EIF2B3: variants seen among roughly 807,000 people sequenced by gnomAD.
EIF2B3 encodes eukaryotic translation initiation factor 2B subunit gamma.
A neutral mutation model predicts 54.1 loss-of-function variants in EIF2B3; 20 were observed. The ratio of observed to expected loss-of-function variants is 0.37; its 90% CI spans 0.26 to 0.54. The LOEUF (loss-of-function observed/expected upper bound fraction) is 0.54, where lower values mean the gene tolerates loss of function less well. EIF2B3 is among the 20% of genes least tolerant of loss of function. The probability of loss-of-function intolerance (pLI) is 0.86; values close to 1 mark genes in which losing one functional copy is unlikely to be tolerated. For missense variants in EIF2B3, 448 were observed against 547.8 expected (o/e 0.82, Z 1.82); for synonymous variants, 153 against 188.1 (o/e 0.81, Z 1.52).
chr1:44,981,180 G>T lies in EIF2B3; in HGVS notation c.-9-3C>A. 2 of 1,611,918 alleles carry T rather than the reference G, an allele frequency of 1.2e-6. No homozygotes were observed. The highest frequency in any genetic ancestry group is 1.7e-6 in the Non-Finnish European group (2 of 1,179,706). The stretch of plus-strand genomic sequence containing the variant: ...GCTTGAAATTCCATTTTTACAAACT[G>T]CAAGTACAGAAAAAACAATTAACAG... On this transcript the variant is annotated splice_region_variant and splice_polypyrimidine_tract_variant and intron_variant, in intron 1 of 11. Transcript: ENST00000360403.
At chr1:44,861,726 G>A (rs1329449854) in intron 10 of EIF2B3, among the ~76,000 whole-genome samples, 1 of 152,140 alleles carries the variant, frequency 6.6e-6, no homozygotes, top group African/African-American at 2.4e-5. Context: ...TGGAGCCTGC[G>A]GATATGATAG....
chr1:44,927,545 G>A (rs762191772), intron 4 of EIF2B3, among the ~76,000 whole-genome samples: 2 of 152,074 alleles, frequency 1.3e-5, no homozygotes, highest in African/African-American at 2.4e-5. Flanking sequence ...AGAGATTTGG[G>A]GGAACATCCA....
chr1:44,943,047 C>A lies in EIF2B3; in HGVS notation c.295-1382G>T, dbSNP rs149366364. Among the ~76,000 whole-genome samples the A allele has an allele frequency of 5.1e-3, 774 of 151,380 alleles. 3 individuals carry two copies. The highest frequency in any genetic ancestry group is 7.9e-3 in the East Asian group (40 of 5,090). On this transcript the variant is annotated intron_variant, in intron 3 of 11. Transcript: ENST00000360403. ...ATTTTTTTTGTGTTTTTAGTAGAGA[C>A]GGTGTTTCACCGTGTTAGCCAGGAT...
At chr1:44,963,299 C>T (rs1305649854) in intron 3 of EIF2B3, among the ~76,000 whole-genome samples, 1 of 149,470 alleles carries the variant, frequency 6.7e-6, no homozygotes, top group African/African-American at 2.5e-5. Context: ...TTGACAGGGT[C>T]TCACTCTGTT....
At chr1:44,984,143 G>A (rs1644544300) in intron 1 of EIF2B3, among the ~76,000 whole-genome samples, 1 of 151,884 alleles carries the variant, frequency 6.6e-6, no homozygotes, top group Non-Finnish European at 1.5e-5. Context: ...CACACCACTC[G>A]CACTTCAGCC....
intron 4 of EIF2B3, among the ~76,000 whole-genome samples, chr1:44,939,303 T>A (rs1643994444): frequency 6.6e-6 from 1 of 152,068 alleles, no homozygotes; most frequent in African/African-American, 2.4e-5. Context: ...ACACTCCAGC[T>A]ATAGAAAGTT....
At chr1:44,941,732 C>T in intron 3 of EIF2B3, 67 bp from the exon 4 acceptor site, 3 of 1,583,690 alleles carry the variant, frequency 1.9e-6, no homozygotes, top group Non-Finnish European at 2.6e-6. Flanking sequence ...CATCACAAGA[C>T]AAAATTAGGA....
In EIF2B3 at chr1:44,933,730, G is replaced by A. The variant is rs185168319; in HGVS notation, c.455-6991C>T. Among the ~76,000 whole-genome samples, 784 of 152,250 alleles carry A rather than the reference G, an allele frequency of 5.1e-3. 10 individuals carry two copies. The highest frequency in any genetic ancestry group is 0.018 in the African/African-American group (753 of 41,560). On this transcript the variant is annotated intron_variant, in intron 4 of 11. Transcript: ENST00000360403. ...CTGGCTCTTACCACTTACCACTGAT[G>A]TTATCTCGAGCAACTGTCCACAAAA...
intron 3 of EIF2B3, among the ~76,000 whole-genome samples, chr1:44,953,490 G>T (rs1192269625): frequency 6.6e-6 from 1 of 152,066 alleles, no homozygotes; most frequent in East Asian, 1.9e-4. Flanking sequence ...ATTAATATCA[G>T]TTCTTGCCGG....
At chr1:44,972,870 C>G (rs1644416899) in intron 3 of EIF2B3, among the ~76,000 whole-genome samples, 1 of 151,852 alleles carries the variant, frequency 6.6e-6, no homozygotes, top group African/African-American at 2.4e-5. Flanking sequence ...GAAACACCCT[C>G]ATCTCAACAA....
chr1:44,859,878 C>T (rs111483935), intron 10 of EIF2B3, among the ~76,000 whole-genome samples: 23,797 of 151,458 alleles, frequency 0.16, 1,961 homozygotes, highest in Non-Finnish European at 0.17. Context: ...TGCCTCAGCC[C>T]CCCAAGTAGC....
intron 11 of EIF2B3, among the ~76,000 whole-genome samples, chr1:44,853,129 A>G (rs1359420328): frequency 6.6e-6 from 1 of 152,154 alleles, no homozygotes; most frequent in Non-Finnish European, 1.5e-5. Flanking sequence ...AAGCTGATCA[A>G]TGATGCGGTG....
intron 5 of EIF2B3, among the ~76,000 whole-genome samples, chr1:44,921,899 T>A (rs868645276): frequency 0.036 from 5,415 of 150,866 alleles, 333 homozygotes; most frequent in African/African-American, 0.12. Flanking sequence ...TATATATATT[T>A]TTTTATTTTA....
intron 6 of EIF2B3, among the ~76,000 whole-genome samples, chr1:44,885,694 A>G (rs1435784657): frequency 6.6e-6 from 1 of 152,208 alleles, no homozygotes; most frequent in African/African-American, 2.4e-5. Flanking sequence ...TTCAACAATG[A>G]TAGATCAAAA....
intron 3 of EIF2B3, among the ~76,000 whole-genome samples, chr1:44,973,113 G>A (rs1644419042): frequency 6.6e-6 from 1 of 152,166 alleles, no homozygotes; most frequent in African/African-American, 2.4e-5. Context: ...ATGTAAAATG[G>A]TATAGCCACT....
intron 9 of EIF2B3, 107 bp downstream of exon 9, chr1:44,875,511 G>T: frequency 9.9e-7 from 1 of 1,008,782 alleles, no homozygotes; most frequent in Non-Finnish European, 1.6e-6. Flanking sequence ...GATTTCCCTG[G>T]GGCTGATGAG....
Position 44,916,191 on chromosome 1 carries a change from T to G in EIF2B3, c.566+10437A>C, listed in dbSNP as rs117736394. ...AATGAACATGGTTTCTCTATTACCA[T>G]ATTCTTTATTTTGACTCAATTCTTG... On this transcript the variant is annotated intron_variant, in intron 5 of 11. Transcript: ENST00000360403. Among the ~76,000 whole-genome samples the G allele has an allele frequency of 6.8e-4, 104 of 152,208 alleles. No individual in the cohort carries two copies. The East Asian group carries it at 0.018, about 26-fold the overall frequency.
intron 6 of EIF2B3, among the ~76,000 whole-genome samples, chr1:44,886,376 G>A (rs890777091): frequency 5.3e-5 from 8 of 152,218 alleles, no homozygotes; most frequent in Non-Finnish European, 7.4e-5. Context: ...CACTGTGCCC[G>A]ACCCCGATTA....
intron 3 of EIF2B3, among the ~76,000 whole-genome samples, chr1:44,975,782 C>T (rs1341162054): frequency 1.3e-5 from 2 of 152,052 alleles, no homozygotes; most frequent in East Asian, 3.9e-4. Flanking sequence ...ACCAGCCTGG[C>T]CAACATGGTG....
Sources: allele counts gnomAD v4.1 joint callset (sites outside exome capture counted in the v4.1 genomes callset), GRCh38; gene constraint gnomAD v4.1.1; transcripts MANE v1.5; gene names NCBI Gene and HGNC (gene_info 2026-07-23, HGNC 2026-07-21).